The following TNC variants were observed in gnomAD, a reference collection of about 807,000 sequenced individuals.
TNC encodes the protein tenascin.
A neutral mutation model predicts 202.4 loss-of-function variants in TNC; 109 were observed. The ratio of observed to expected loss-of-function variants is 0.54; its 90% CI spans 0.46 to 0.63. The LOEUF is 0.63. TNC is among the 30% of genes least tolerant of loss of function. The pLI, the probability that TNC is intolerant of heterozygous loss-of-function variation, is 0.00. For synonymous variants in TNC, 1,007 were observed against 1,089.7 expected, an observed-to-expected ratio of 0.92 and a Z score of 1.50; for missense variants, 2,756 against 2,833.3, an observed-to-expected ratio of 0.97 and a Z score of 0.62.
chr9:115,082,492 G>A (rs944227), intron 5 of TNC, among the ~76,000 whole-genome samples, 200 bp downstream of exon 5: 1 of 151,984 alleles, frequency 6.6e-6, no homozygotes, highest in Non-Finnish European at 1.5e-5. Context: ...GGTGTCAGCC[G>A]TAAGTGCTAC....
intron 1 of TNC, among the ~76,000 whole-genome samples, chr9:115,113,802 T>C (rs1427637675): frequency 6.6e-6 from 1 of 152,194 alleles, no homozygotes; most frequent in East Asian, 1.9e-4. Context: ...GGATTTTCCG[T>C]TCGCGATCTG....
intron 10 of TNC, among the ~76,000 whole-genome samples, chr9:115,066,559 T>C (rs1832967770): frequency 6.6e-6 from 1 of 152,192 alleles, no homozygotes; most frequent in Admixed American, 6.5e-5. Context: ...GGGAACATTC[T>C]TCCTGCTTGT....
intron 15 of TNC, among the ~76,000 whole-genome samples, chr9:115,054,662 T>C (rs1831965603): frequency 1.3e-5 from 2 of 152,194 alleles, no homozygotes; most frequent in South Asian, 4.1e-4. Context: ...TAGTGGTAGT[T>C]AGGGTATGGT....
intron 11 of TNC, 32 bp from the exon 12 acceptor site, chr9:115,064,100 CAAA>C: frequency 6.4e-7 from 1 of 1,552,420 alleles, no homozygotes; most frequent in Non-Finnish European, 8.7e-7. Flanking sequence ...GTTTAGTGAT[CAAA>C]TCACACAACA....
chr9:115,061,661 G>C (rs1832556415), intron 13 of TNC, among the ~76,000 whole-genome samples: 1 of 152,188 alleles, frequency 6.6e-6, no homozygotes, highest in Non-Finnish European at 1.5e-5. Flanking sequence ...GTTTTGAATT[G>C]AGTGATTTGG....
rs1022680770 is a variant in TNC at position 115,060,139 on chromosome 9, G to A, written c.4034-137C>T. On this transcript the variant is annotated intron_variant, in intron 13 of 27. Coordinates refer to ENST00000350763, the MANE Select transcript of TNC (RefSeq NM_002160.4). The stretch of plus-strand genomic sequence containing the variant: ...TTTAATTCTTGGTCTCTGAGCATTT[G>A]CAATTTGAACTGTGGTTCCCTGGCC... 7 of 1,008,588 alleles carry A rather than the reference G, an allele frequency of 6.9e-6. No individual in the cohort carries two copies. In the African/African-American group the frequency reaches 8.2e-5, roughly 12 times the overall value. 62.5% of individuals were successfully genotyped at this position (1,008,588 alleles called of 1,614,324 possible).
intron 17 of TNC, among the ~76,000 whole-genome samples, chr9:115,043,373 C>G (rs926409034): frequency 8.5e-5 from 13 of 152,260 alleles, no homozygotes; most frequent in Middle Eastern, 3.4e-3. Flanking sequence ...CTGTGGCTGC[C>G]TGGGTTTTTG....
At chr9:115,035,154 C>T in intron 22 of TNC, 50 bp downstream of exon 22, 1 of 1,524,588 alleles carries the variant, frequency 6.6e-7, no homozygotes, top group Non-Finnish European at 8.8e-7. Flanking sequence ...CTTTGAAGAT[C>T]ATGCAAATGC....
chr9:115,035,518 T>G, intron 21 of TNC, 184 bp from the exon 22 acceptor site: 1 of 584,824 alleles, frequency 1.7e-6, no homozygotes, highest in Non-Finnish European at 2.9e-6. Context: ...ACAAATTCTC[T>G]ATGGTTTATC....
At chr9:115,079,227 CTT>C (rs61492592) in intron 6 of TNC, among the ~76,000 whole-genome samples, 8 of 143,088 alleles carry the variant, frequency 5.6e-5, no homozygotes, top group African/African-American at 5.1e-5. Flanking sequence ...TCTTCTTCTC[CTT>C]TTTTTTTTTT....
intron 10 of TNC, 106 bp downstream of exon 10, chr9:115,073,497 G>A (rs1588128501): frequency 1.5e-6 from 2 of 1,366,850 alleles, no homozygotes; most frequent in East Asian, 4.7e-5. Context: ...TGGAGAAAGT[G>A]GCTTGCTTTT....
intron 17 of TNC, among the ~76,000 whole-genome samples, chr9:115,044,390 C>T (rs905444939): frequency 1.3e-4 from 10 of 74,792 alleles, no homozygotes; most frequent in African/African-American, 3.9e-4. Flanking sequence ...TGTAGACACA[C>T]ACACACACAC....
intron 10 of TNC, among the ~76,000 whole-genome samples, chr9:115,071,030 C>T (rs1272329485): frequency 2.6e-5 from 4 of 152,182 alleles, no homozygotes; most frequent in African/African-American, 7.2e-5. Flanking sequence ...TACCCTCGAT[C>T]GTAGTGAGCA....
chr9:115,067,399 C>T (rs934504898), intron 10 of TNC, among the ~76,000 whole-genome samples: 2 of 152,236 alleles, frequency 1.3e-5, no homozygotes, highest in South Asian at 2.1e-4. Flanking sequence ...TGACAACGTA[C>T]CCCTTCGTGT....
intron 27 of TNC, among the ~76,000 whole-genome samples, chr9:115,022,871 G>A (rs1305146096): frequency 1.3e-5 from 2 of 152,054 alleles, no homozygotes; most frequent in Non-Finnish European, 2.9e-5. Flanking sequence ...TACACTTAAG[G>A]TCGCAGGTGT....
intron 1 of TNC, among the ~76,000 whole-genome samples, chr9:115,114,512 C>T (rs946715183): frequency 1.3e-5 from 2 of 152,214 alleles, no homozygotes; most frequent in Non-Finnish European, 2.9e-5. Context: ...GAAATTTGAA[C>T]TTTCCTGTTT....
chr9:115,087,339 G>A (rs1053896992), intron 2 of TNC, 66 bp from the exon 3 acceptor site: 47 of 1,524,182 alleles, frequency 3.1e-5, no homozygotes, highest in Non-Finnish European at 4.0e-5. Flanking sequence ...TATCTACCCA[G>A]GGCACCCAGA....
Position 115,026,694 on chromosome 9 carries a change from C to T in TNC, c.6171G>A (p.Gly2057=). The change falls in exon 26 of 28, where the codon GGG becomes GGA. Residue 2057 remains glycine (G), a splice_region_variant and synonymous_variant. Transcript: ENST00000350763. ...CTGTGATTTTGTTCAGGTTGTCCAG[C>T]CCTGTGGATGACAGGCAAGGGTTGC... ...FGDRREEFWL[G]LDNLNKITAQ... 1 of 1,613,566 alleles carries T rather than the reference C, an allele frequency of 6.2e-7. No homozygotes were observed. The highest frequency in any genetic ancestry group is 1.3e-5 in the African/African-American group (1 of 74,992).
intron 4 of TNC, 97 bp downstream of exon 4, chr9:115,084,112 A>G: frequency 7.5e-7 from 1 of 1,332,426 alleles, no homozygotes. Flanking sequence ...AACTGTAAAG[A>G]ACAACTATAG....
Sources: allele counts gnomAD v4.1 joint callset (sites outside exome capture counted in the v4.1 genomes callset), GRCh38; gene constraint gnomAD v4.1.1; transcripts MANE v1.5; gene names NCBI Gene and HGNC (gene_info 2026-07-23, HGNC 2026-07-21).